ENOX2: variants seen among roughly 807,000 people sequenced by gnomAD.
The protein encoded by ENOX2 is ecto-NOX disulfide-thiol exchanger 2.
ENOX2 carries 36 observed loss-of-function variants against 45.0 expected under a neutral mutation model. The observed-to-expected ratio is 0.80, with a 90% CI of 0.61 to 1.06. The LOEUF is 1.06. Ranked by LOEUF, ENOX2 falls within the 50% of genes least tolerant of loss-of-function variation. ENOX2 has a pLI of 0.00. For missense variants in ENOX2, 423 were observed against 462.5 expected (o/e 0.91, Z 0.78); for synonymous variants, 174 against 152.3 (o/e 1.14, Z -1.05).
At chrX:130,658,023 C>T (rs1210437816) in intron 9 of ENOX2, among the ~76,000 whole-genome samples, 1 of 111,549 alleles carries the variant, frequency 9.0e-6, no homozygotes, top group East Asian at 2.8e-4. Flanking sequence ...GCCAAGAGTT[C>T]TTTTGTCTGA....
chrX:130,703,035 C>T, intron 4 of ENOX2, 85 bp downstream of exon 4: 1 of 975,070 alleles, frequency 1.0e-6, no homozygotes, highest in Non-Finnish European at 1.4e-6. Context: ...ATGTCAACTT[C>T]AAAATAAGTT....
intron 12 of ENOX2, among the ~76,000 whole-genome samples, chrX:130,634,728 T>C (rs2035884464): frequency 9.0e-6 from 1 of 111,500 alleles, no homozygotes; most frequent in African/African-American, 3.3e-5. Context: ...GAGAGAAGAC[T>C]GAGGAGTTTT....
intron 6 of ENOX2, among the ~76,000 whole-genome samples, chrX:130,672,536 C>T (rs2148132320): frequency 8.9e-6 from 1 of 112,801 alleles, no homozygotes; most frequent in Non-Finnish European, 1.9e-5. Flanking sequence ...CCCACAGTTG[C>T]CTCCCACTCT....
chrX:130,822,854 C>A (rs1419226262), intron 2 of ENOX2, among the ~76,000 whole-genome samples: 1 of 112,091 alleles, frequency 8.9e-6, no homozygotes, highest in Non-Finnish European at 1.9e-5. Flanking sequence ...TTTTGCCCAA[C>A]TGTAGGCTAA....
intron 2 of ENOX2, among the ~76,000 whole-genome samples, chrX:130,863,865 G>A (rs188575606): frequency 9.0e-6 from 1 of 111,260 alleles, no homozygotes; most frequent in Admixed American, 9.6e-5. Flanking sequence ...CCCATATATA[G>A]GGGCTACATT....
intron 2 of ENOX2, among the ~76,000 whole-genome samples, chrX:130,859,576 A>G (rs1350460695): frequency 8.9e-6 from 1 of 112,013 alleles, no homozygotes; most frequent in African/African-American, 3.2e-5. Flanking sequence ...CTTCAGGCAC[A>G]ATGGACTACA....
At chrX:130,800,564 T>C (rs1340964987) in intron 2 of ENOX2, among the ~76,000 whole-genome samples, 1 of 110,684 alleles carries the variant, frequency 9.0e-6, no homozygotes, top group Admixed American at 9.6e-5. Flanking sequence ...ACAAAATGTC[T>C]TTTTTTTTAA....
chrX:130,654,210 T>C (rs966271880), intron 10 of ENOX2, among the ~76,000 whole-genome samples: 1 of 112,074 alleles, frequency 8.9e-6, no homozygotes, highest in African/African-American at 3.2e-5. Flanking sequence ...CCCTCTTCAA[T>C]AGATTGCTTT....
At chrX:130,764,952 C>T (rs1226456548) in intron 3 of ENOX2, among the ~76,000 whole-genome samples, 1 of 111,111 alleles carries the variant, frequency 9.0e-6, no homozygotes, top group African/African-American at 3.3e-5. Flanking sequence ...ATTAATATTT[C>T]TCAGAATTAT....
intron 5 of ENOX2, among the ~76,000 whole-genome samples, chrX:130,688,612 C>G (rs1340194265): frequency 8.9e-6 from 1 of 112,031 alleles, no homozygotes; most frequent in Non-Finnish European, 1.9e-5. Flanking sequence ...TTTACTAACA[C>G]ACTTGAATTC....
chrX:130,683,349 C>G (rs1441425335), intron 5 of ENOX2, among the ~76,000 whole-genome samples: 1 of 112,101 alleles, frequency 8.9e-6, no homozygotes, highest in African/African-American at 3.2e-5. Context: ...CCTGGACAAT[C>G]AGCAGGGGTT....
intron 2 of ENOX2, among the ~76,000 whole-genome samples, chrX:130,864,818 A>T (rs182770388): frequency 1.8e-5 from 2 of 111,951 alleles, no homozygotes; most frequent in Non-Finnish European, 3.8e-5. Flanking sequence ...GTTTGAGACC[A>T]GCCTGGCCAA....
chrX:130,713,131 A>G (rs2038236317), intron 3 of ENOX2, among the ~76,000 whole-genome samples: 1 of 112,414 alleles, frequency 8.9e-6, no homozygotes, highest in Non-Finnish European at 1.9e-5. Context: ...TCCAGAGACA[A>G]CACGTTTAAC....
At position 130,784,586 on chromosome X, in the gene ENOX2, CT is replaced by C. The variant is rs1038640682; in HGVS notation, c.-182-897del. On this transcript the variant is annotated intron_variant, in intron 2 of 14. Coordinates refer to ENST00000394363, the MANE Select transcript of ENOX2 (RefSeq NM_006375.4). ...TCAGGTTGGCCTGATATAGCTCACTCTTTTTTTTTTTTTTTTTTTGAGATGG... is the reference window on the plus strand; with the variant it reads ...TCAGGTTGGCCTGATATAGCTCACTCTTTTTTTTTTTTTTTTTTGAGATGG... 4.6e-3 allele frequency among the ~76,000 whole-genome samples: 423 copies of C among 92,204 alleles called. 3 individuals are homozygous for C. Among genetic ancestry groups the C allele is most frequent in the African/African-American group, 7.2e-3 (177 of 24,712 alleles). 80.1% of individuals were successfully genotyped at this position (92,204 alleles called of 115,157 possible).
chrX:130,645,332 T>C (rs2036199982), intron 10 of ENOX2, among the ~76,000 whole-genome samples: 1 of 111,813 alleles, frequency 8.9e-6, no homozygotes, highest in South Asian at 3.7e-4. Flanking sequence ...TTGAGCCGTC[T>C]CCTCAACCTT....
intron 2 of ENOX2, among the ~76,000 whole-genome samples, chrX:130,896,377 C>T (rs888795129): frequency 9.0e-6 from 1 of 110,989 alleles, no homozygotes; most frequent in African/African-American, 3.3e-5. Context: ...AAAAAACACA[C>T]ATCCCCACGG....
Position 130,637,409 on chromosome X carries a change from G to A in ENOX2, c.1131C>T (p.Ala377=), listed in dbSNP as rs777198499. The A allele has an allele frequency of 5.9e-6, 7 of 1,195,694 alleles. No homozygotes were observed. The Admixed American group carries it at 1.1e-4, about 19-fold the overall frequency. The part of the protein sequence containing the change: ...MTETKETEES[A]LVSQAEALKE... The stretch of plus-strand genomic sequence containing the variant: ...TCAGAGCTTCTGCCTGTGATACTAA[G>A]GCTAACAATCAATATAAAATATGAA... The change falls in exon 11 of 15, where the codon GCC becomes GCT. Residue 377 remains alanine, a splice_region_variant and synonymous_variant. Transcript: ENST00000394363.
At chrX:130,764,849 A>G (rs1027558100) in intron 3 of ENOX2, among the ~76,000 whole-genome samples, 1 of 112,004 alleles carries the variant, frequency 8.9e-6, no homozygotes, top group Non-Finnish European at 1.9e-5. Flanking sequence ...CAATTTAATG[A>G]AAGATGTTTA....
intron 3 of ENOX2, among the ~76,000 whole-genome samples, chrX:130,764,972 G>A (rs1324275918): frequency 9.0e-6 from 1 of 111,499 alleles, no homozygotes; most frequent in Non-Finnish European, 1.9e-5. Flanking sequence ...TTAATTATCA[G>A]ACACAATAGG....
Sources: allele counts gnomAD v4.1 joint callset (sites outside exome capture counted in the v4.1 genomes callset), GRCh38; gene constraint gnomAD v4.1.1; transcripts MANE v1.5; gene names NCBI Gene and HGNC (gene_info 2026-07-23, HGNC 2026-07-21).